Variants in IKZF2 observed in about 807,000 individuals in gnomAD.
IKZF2 encodes zinc finger protein Helios.
Under a neutral mutation model 49.2 loss-of-function variants are expected in IKZF2, and 15 were observed. That is an observed-to-expected ratio of 0.30 (90% CI 0.20 to 0.47). IKZF2 has a LOEUF of 0.47. Among genes scored for constraint, IKZF2 ranks in the 20% least tolerant of loss-of-function variants. The probability of loss-of-function intolerance (pLI) is 1.00; values close to 1 mark genes in which losing one functional copy is unlikely to be tolerated. For synonymous variants in IKZF2, 227 were observed against 221.4 expected, an observed-to-expected ratio of 1.03 and a Z score of -0.23; for missense variants, 567 against 664.6, an observed-to-expected ratio of 0.85 and a Z score of 1.61.
At chr2:213,078,341 T>C (rs1301384151) in intron 4 of IKZF2, among the ~76,000 whole-genome samples, 1 of 152,228 alleles carries the variant, frequency 6.6e-6, no homozygotes, top group Non-Finnish European at 1.5e-5. Context: ...CAACAATTAC[T>C]ATATTCTTTC....
At chr2:213,112,330 CCAGA>C (rs898627554) in intron 4 of IKZF2, among the ~76,000 whole-genome samples, 9 of 89,976 alleles carry the variant, frequency 1.0e-4, no homozygotes, top group African/African-American at 2.9e-4. Flanking sequence ...TTTTTTTGAC[CCAGA>C]CAGACAATAA....
intron 8 of IKZF2, among the ~76,000 whole-genome samples, chr2:213,009,962 G>A (rs771263743): frequency 6.6e-5 from 10 of 152,096 alleles, no homozygotes; most frequent in Non-Finnish European, 1.0e-4. Context: ...CGAAAGACAA[G>A]TTAGATAATA....
chr2:213,035,582 G>A (rs1357845764), intron 6 of IKZF2, among the ~76,000 whole-genome samples: 1 of 152,152 alleles, frequency 6.6e-6, no homozygotes, highest in Non-Finnish European at 1.5e-5. Flanking sequence ...AGATAATAAG[G>A]CAACTATGCC....
intron 4 of IKZF2, among the ~76,000 whole-genome samples, chr2:213,062,936 T>G (rs889729276): frequency 6.6e-6 from 1 of 152,020 alleles, no homozygotes; most frequent in African/African-American, 2.4e-5. Flanking sequence ...AGCCCAATTA[T>G]TTACTAAGAA....
intron 4 of IKZF2, among the ~76,000 whole-genome samples, chr2:213,127,836 A>G (rs2060320709): frequency 6.6e-6 from 1 of 152,202 alleles, no homozygotes; most frequent in Non-Finnish European, 1.5e-5. Flanking sequence ...CTAACTTAAG[A>G]ATACATGTAT....
intron 4 of IKZF2, among the ~76,000 whole-genome samples, chr2:213,092,357 T>A (rs1309668990): frequency 6.6e-6 from 1 of 152,166 alleles, no homozygotes; most frequent in Admixed American, 6.5e-5. Flanking sequence ...ACTGTAACCA[T>A]AATAACCTCC....
intron 6 of IKZF2, among the ~76,000 whole-genome samples, chr2:213,039,246 A>T (rs1699370201): frequency 6.6e-6 from 1 of 152,094 alleles, no homozygotes; most frequent in Non-Finnish European, 1.5e-5. Flanking sequence ...TGGGATTTTT[A>T]AAAGTCAATA....
intron 4 of IKZF2, among the ~76,000 whole-genome samples, chr2:213,079,528 AAGGG>A (rs1478038676): frequency 6.8e-6 from 1 of 148,002 alleles, no homozygotes; most frequent in Non-Finnish European, 1.5e-5. Flanking sequence ...GGAAGGCAGG[AAGGG>A]AGGGAGGGAA....
chr2:213,088,005 C>T (rs986452376), intron 4 of IKZF2, among the ~76,000 whole-genome samples: 36 of 152,116 alleles, frequency 2.4e-4, no homozygotes, highest in Non-Finnish European at 4.9e-4. Flanking sequence ...ATTTATAATC[C>T]TTTGGGTATA....
At chr2:213,080,757 T>C (rs939351771) in intron 4 of IKZF2, among the ~76,000 whole-genome samples, 2 of 152,100 alleles carry the variant, frequency 1.3e-5, no homozygotes, top group African/African-American at 4.8e-5. Context: ...TGGCAAGAAA[T>C]GGTTTAATGA....
chr2:213,133,678 C>T (rs1357059204), intron 4 of IKZF2, among the ~76,000 whole-genome samples: 2 of 147,170 alleles, frequency 1.4e-5, no homozygotes, highest in Admixed American at 6.8e-5. Context: ...CTAGCCTGGG[C>T]GACAAAGATA....
intron 4 of IKZF2, among the ~76,000 whole-genome samples, chr2:213,106,719 A>G (rs1458219081): frequency 3.3e-5 from 5 of 152,044 alleles, no homozygotes; most frequent in Non-Finnish European, 7.4e-5. Flanking sequence ...TTCTGAGACT[A>G]AATATCTAAA....
At chr2:213,058,524 T>C (rs1701381047) in intron 4 of IKZF2, among the ~76,000 whole-genome samples, 1 of 151,818 alleles carries the variant, frequency 6.6e-6, no homozygotes, top group Non-Finnish European at 1.5e-5. Context: ...TCAATCAACT[T>C]ATGGTACATA....
At chr2:213,087,603 T>C (rs930329714) in intron 4 of IKZF2, among the ~76,000 whole-genome samples, 2 of 152,158 alleles carry the variant, frequency 1.3e-5, no homozygotes, top group East Asian at 1.9e-4. Flanking sequence ...CGTTAACTCA[T>C]CATTTACATT....
At chr2:213,127,770 G>A (rs1428082645) in intron 4 of IKZF2, among the ~76,000 whole-genome samples, 1 of 152,090 alleles carries the variant, frequency 6.6e-6, no homozygotes, top group African/African-American at 2.4e-5. Context: ...TTTTTGGTTA[G>A]ATATGTCAAC....
At chr2:213,061,304 T>C (rs1389384789) in intron 4 of IKZF2, among the ~76,000 whole-genome samples, 1 of 151,294 alleles carries the variant, frequency 6.6e-6, no homozygotes, top group African/African-American at 2.4e-5. Context: ...ACTAATATGA[T>C]AATAAAAGGA....
chr2:213,008,119 A>G (rs2125009745), intron 8 of IKZF2, 35 bp from the exon 9 acceptor site: 3 of 1,512,958 alleles, frequency 2.0e-6, no homozygotes, highest in East Asian at 2.3e-5. Context: ...AAGTAAAAAA[A>G]AAAAAAAAAT....
At chr2:213,108,120 G>A (rs1307439088) in intron 4 of IKZF2, among the ~76,000 whole-genome samples, 1 of 152,058 alleles carries the variant, frequency 6.6e-6, no homozygotes, top group Non-Finnish European at 1.5e-5. Context: ...TGTTTAATGA[G>A]ATTTCCCGAA....
Position 213,049,873 on chromosome 2 carries a change from G to A in IKZF2, c.414C>T (p.Arg138=), listed in dbSNP as rs1453945065. ...CTCCACACTGGTTACAGTGGAAGGG[G>A]CGTTCACCTGCAGTAAGGAGAAGAA... ...MVHKRSHTGE[R]PFHCNQCGAS... The change falls in exon 6 of 9, where the codon CGC becomes CGT. Residue 138 remains arginine, a synonymous_variant. Coordinates refer to ENST00000434687, the MANE Select transcript of IKZF2 (RefSeq NM_001387220.1). The A allele has an allele frequency of 6.4e-6, 10 of 1,564,332 alleles. No individual in the cohort carries two copies. The highest frequency in any genetic ancestry group is 8.7e-6 in the Non-Finnish European group (10 of 1,150,082).
Sources: gnomAD v4.1 joint callset for allele counts (sites outside exome capture counted in the v4.1 genomes callset) on GRCh38, gnomAD v4.1.1 for gene constraint, MANE v1.5 for transcripts, NCBI Gene and HGNC (gene_info 2026-07-23, HGNC 2026-07-21) for gene names.